The following DEAF1 variants were observed in gnomAD, a reference collection of about 807,000 sequenced individuals.
DEAF1 encodes the protein DEAF1 transcription factor, also known as deformed epidermal autoregulatory factor 1 homolog.
DEAF1 carries 53 observed loss-of-function variants against 58.9 expected under a neutral mutation model. The ratio of observed to expected loss-of-function variants is 0.90; its 90% CI spans 0.72 to 1.13. The LOEUF is 1.13. Among genes scored for constraint, DEAF1 ranks in the 50% most tolerant of loss-of-function variants. The pLI, the probability that DEAF1 is intolerant of heterozygous loss-of-function variation, is 0.00. For synonymous variants in DEAF1, 385 were observed against 340.4 expected (o/e 1.13, Z -1.44); for missense variants, 685 against 791.4 (o/e 0.87, Z 1.61).
intron 1 of DEAF1, chr11:700,817 T>C (rs937578167): frequency 2.0e-6 from 2 of 1,020,858 alleles, no homozygotes; most frequent in Admixed American, 3.4e-5. Context: ...ACATTTTTTA[T>C]CCAAACTGCT....
chr11:684,854 C>T, intron 6 of DEAF1, 44 bp downstream of exon 6: 1 of 1,539,064 alleles, frequency 6.5e-7, no homozygotes, highest in Non-Finnish European at 8.8e-7. Flanking sequence ...CAGCCGCCCC[C>T]AGCCCCACCA....
At chr11:699,083 C>T (rs545474752), upstream of DEAF1, 16 of 658,634 alleles carry the variant, frequency 2.4e-5, no homozygotes, top group East Asian at 3.8e-4. Context: ...CATCCCCTAC[C>T]TGCTCAGCCC....
rs936834275 is a variant in DEAF1, at chr11:681,237, C to T, written c.871-148G>A. 1.4e-5 allele frequency: 16 copies of T among 1,160,648 alleles called. No individual in the cohort carries two copies. The Middle Eastern group carries it at 1.4e-3, about 105-fold the overall frequency. 71.9% of individuals were successfully genotyped at this position (1,160,648 alleles called of 1,614,324 possible). A position where few individuals can be genotyped will look rare whatever the true frequency, so the allele number is the denominator to read the frequency against. On this transcript the variant is annotated intron_variant, in intron 6 of 11. Coordinates refer to ENST00000382409, the MANE Select transcript of DEAF1 (RefSeq NM_021008.4). ...TGGTAAGCGCCCCTAAAGATCCCAC[C>T]TCTTTTTCTTTTTTGAGACGGAGTT...
chr11:654,224 C>T (rs913860108), intron 10 of DEAF1, among the ~76,000 whole-genome samples, 173 bp from the exon 11 acceptor site: 9 of 145,754 alleles, frequency 6.2e-5, no homozygotes, highest in South Asian at 2.2e-4. Flanking sequence ...GCTGGAGTGC[C>T]GTGGTGCGAT....
rs116941514 is a variant in DEAF1, at chr11:674,305, T to C, written c.1503+231A>G. 3.3e-3 allele frequency: 1,900 copies of C among 580,830 alleles called. 9 individuals are homozygous for C. Among genetic ancestry groups the C allele is most frequent in the South Asian group, 5.3e-3 (273 of 51,560 alleles). The allele number at this position is 580,830 out of a possible 1,614,324, so 36.0% of individuals were successfully genotyped here. On this transcript the variant is annotated intron_variant, in intron 10 of 11. Coordinates refer to ENST00000382409, the MANE Select transcript of DEAF1 (RefSeq NM_021008.4). ...ATGCGCACAAAATTGTTTCCCTTTCTGAAACAAAGCAACCTTATTTACAAA... is the reference window on the plus strand; with the variant it reads ...ATGCGCACAAAATTGTTTCCCTTTCCGAAACAAAGCAACCTTATTTACAAA...
At chr11:701,656 A>T (rs183249063) in intron 1 of DEAF1, among the ~76,000 whole-genome samples, 3 of 150,926 alleles carry the variant, frequency 2.0e-5, no homozygotes, top group Non-Finnish European at 3.0e-5. Flanking sequence ...TGATCCGCCC[A>T]CCTCGGCCTC....
chr11:646,247 C>A (rs1333322745), intron 11 of DEAF1: 5 of 102,168 alleles, frequency 4.9e-5, no homozygotes, highest in Non-Finnish European at 9.4e-5. Context: ...AGTGAGACTA[C>A]GTCTCAAAAA....
At chr11:654,080 G>C (rs1009631851) in intron 10 of DEAF1, 29 bp from the exon 11 acceptor site, 12 of 1,601,176 alleles carry the variant, frequency 7.5e-6, no homozygotes, top group Non-Finnish European at 1.0e-5. Context: ...AGGCCAGTCA[G>C]TGACGTGGCC....
chr11:699,050 C>G, upstream of DEAF1: 1 of 829,168 alleles, frequency 1.2e-6, no homozygotes, highest in Admixed American at 2.0e-5. Flanking sequence ...GATGTAACTT[C>G]CTCGGATCAG....
intron 1 of DEAF1, among the ~76,000 whole-genome samples, chr11:701,687 G>C (rs1189708996): frequency 6.6e-6 from 1 of 152,082 alleles, no homozygotes; most frequent in South Asian, 2.1e-4. Flanking sequence ...GGGATTACAG[G>C]CGTGAGCCAC....
At chr11:668,412 C>T (rs953199052) in intron 10 of DEAF1, among the ~76,000 whole-genome samples, 3 of 152,118 alleles carry the variant, frequency 2.0e-5, no homozygotes, top group African/African-American at 7.2e-5. Context: ...GATCATAAAA[C>T]ACATCTTTTT....
At chr11:700,826 CT>C in intron 1 of DEAF1, 1 of 960,032 alleles carries the variant, frequency 1.0e-6, no homozygotes, top group Non-Finnish European at 1.7e-6. Context: ...ATCCAAACTG[CT>C]TACCCAGTTG....
chr11:698,663 A>C (rs1861307552), upstream of DEAF1, among the ~76,000 whole-genome samples: 1 of 152,028 alleles, frequency 6.6e-6, no homozygotes, highest in African/African-American at 2.4e-5. Context: ...AGGTTCTGAA[A>C]GGCAGAGACT....
intron 10 of DEAF1, among the ~76,000 whole-genome samples, chr11:659,689 G>C (rs1243777853): frequency 6.6e-6 from 1 of 152,220 alleles, no homozygotes; most frequent in African/African-American, 2.4e-5. Context: ...GGAGAACCCT[G>C]AGTAGCCTTT....
At chr11:673,322 T>C (rs1209580877) in intron 10 of DEAF1, among the ~76,000 whole-genome samples, 1 of 151,250 alleles carries the variant, frequency 6.6e-6, no homozygotes. Context: ...AGCTCAGGAG[T>C]GTGAGATCAG....
At chr11:676,598 G>A (rs909988425) in intron 9 of DEAF1, among the ~76,000 whole-genome samples, 1 of 151,884 alleles carries the variant, frequency 6.6e-6, no homozygotes, top group Non-Finnish European at 1.5e-5. Flanking sequence ...CTGCCCTCCC[G>A]GGTTCAAGTG....
chr11:697,907 T>G (rs1336195515), upstream of DEAF1: 1 of 152,188 alleles, frequency 6.6e-6, no homozygotes, highest in Non-Finnish European at 1.5e-5. Context: ...TTCCACAAAC[T>G]CTGGCACAGA....
At chr11:701,015 C>G in intron 1 of DEAF1, 1 of 445,256 alleles carries the variant, frequency 2.2e-6, no homozygotes, top group South Asian at 2.4e-5. Context: ...ATCTGGAGCT[C>G]CGGAATATTC....
At chr11:676,885 G>A (rs1860104603) in intron 9 of DEAF1, among the ~76,000 whole-genome samples, 1 of 152,110 alleles carries the variant, frequency 6.6e-6, no homozygotes, top group African/African-American at 2.4e-5. Flanking sequence ...GAGACACTGG[G>A]GCAAACTCAT....
Sources: allele counts gnomAD v4.1 joint callset (sites outside exome capture counted in the v4.1 genomes callset), GRCh38; gene constraint gnomAD v4.1.1; transcripts MANE v1.5; gene names NCBI Gene and HGNC (gene_info 2026-07-23, HGNC 2026-07-21).